The following TPST1 variants were observed in gnomAD, a reference collection of about 807,000 sequenced individuals.
The protein encoded by TPST1 is tyrosylprotein sulfotransferase 1, also known as protein-tyrosine sulfotransferase 1.
A neutral mutation model predicts 34.8 loss-of-function variants in TPST1; 20 were observed. The ratio of observed to expected loss-of-function variants is 0.57; its 90% CI spans 0.40 to 0.84. TPST1 has a LOEUF of 0.84. Ranked by LOEUF, TPST1 falls within the 40% of genes least tolerant of loss-of-function variation. The pLI, the probability that TPST1 is intolerant of heterozygous loss-of-function variation, is 0.00. For synonymous variants in TPST1, 152 were observed against 159.4 expected, an observed-to-expected ratio of 0.95 and a Z score of 0.35; for missense variants, 353 against 455.5, an observed-to-expected ratio of 0.78 and a Z score of 2.05.
chr7:66,229,453 C>T (rs1191548903), intron 1 of TPST1, among the ~76,000 whole-genome samples: 1 of 152,188 alleles, frequency 6.6e-6, no homozygotes, highest in African/African-American at 2.4e-5. Flanking sequence ...TGAGATTCAT[C>T]CAAGTTGTTG....
chr7:66,255,496 T>C (rs1265228615), intron 2 of TPST1, among the ~76,000 whole-genome samples: 1 of 152,196 alleles, frequency 6.6e-6, no homozygotes, highest in Non-Finnish European at 1.5e-5. Context: ...TAGGCCAGTA[T>C]TTAACTCCTT....
At position 66,241,230 on chromosome 7, in the gene TPST1, G is replaced by A. The variant is rs1562810816; in HGVS notation, c.805G>A (p.Glu269Lys). 2 of 1,611,220 alleles carry A rather than the reference G, an allele frequency of 1.2e-6. No homozygotes were observed. The highest frequency in any genetic ancestry group is 4.5e-5 in the East Asian group (2 of 44,848). The change falls in exon 2 of 6, where the codon GAA becomes AAA. Residue 269 changes from glutamate to lysine, a missense_variant. Glu to Lys is a moderately conservative substitution (Grantham distance 56, BLOSUM62 1). Coordinates refer to ENST00000304842, the MANE Select transcript of TPST1 (RefSeq NM_003596.4). ...IPWNHSVLHH[E>K]EMIGKAGGVS... is the part of the protein sequence containing the mutation. ...ATGGAACCACTCAGTATTGCACCATGAAGAGATGATTGGGAAAGCTGGGGG... is the reference window on the plus strand; with the variant it reads ...ATGGAACCACTCAGTATTGCACCATAAAGAGATGATTGGGAAAGCTGGGGG...
At chr7:66,241,786 C>T (rs1024869055) in intron 2 of TPST1, among the ~76,000 whole-genome samples, 3 of 152,226 alleles carry the variant, frequency 2.0e-5, no homozygotes, top group Non-Finnish European at 4.4e-5. Context: ...CTAATCTCTT[C>T]ATTTTATGGA....
At chr7:66,270,250 G>A (rs1790679060) in intron 2 of TPST1, among the ~76,000 whole-genome samples, 1 of 152,170 alleles carries the variant, frequency 6.6e-6, no homozygotes, top group Non-Finnish European at 1.5e-5. Context: ...AAGGGAGTGT[G>A]TGAAGGTCAG....
intron 1 of TPST1, among the ~76,000 whole-genome samples, chr7:66,236,436 T>C (rs1789914170): frequency 6.6e-6 from 1 of 152,176 alleles, no homozygotes; most frequent in African/African-American, 2.4e-5. Context: ...ACTTTTAGGA[T>C]TGTTTATATC....
intron 2 of TPST1, among the ~76,000 whole-genome samples, chr7:66,258,271 T>G (rs1395539350): frequency 6.6e-6 from 1 of 152,224 alleles, no homozygotes; most frequent in Admixed American, 6.5e-5. Context: ...CTAAGTCCTG[T>G]TAAAATCCTT....
chr7:66,206,539 A>C (rs915551743), intron 1 of TPST1, among the ~76,000 whole-genome samples: 1 of 152,210 alleles, frequency 6.6e-6, no homozygotes, highest in Non-Finnish European at 1.5e-5. Flanking sequence ...TACTGCATTC[A>C]TTAAGAAGAA....
chr7:66,314,257 G>A (rs1791589866), intron 3 of TPST1, among the ~76,000 whole-genome samples: 1 of 152,144 alleles, frequency 6.6e-6, no homozygotes, highest in Non-Finnish European at 1.5e-5. Flanking sequence ...ATCAGTGGTC[G>A]GGCACTGTGG....
chr7:66,225,666 G>A (rs1789640289), intron 1 of TPST1, among the ~76,000 whole-genome samples: 3 of 152,198 alleles, frequency 2.0e-5, no homozygotes. Context: ...TTGTGTGTGT[G>A]CATGCACACG....
intron 3 of TPST1, among the ~76,000 whole-genome samples, chr7:66,337,558 C>A (rs1562850927): frequency 3.3e-5 from 5 of 152,104 alleles, no homozygotes; most frequent in African/African-American, 7.2e-5. Context: ...ATCCGCCCAT[C>A]TCGGCCTCCT....
chr7:66,337,926 A>T (rs1055928875), intron 3 of TPST1, among the ~76,000 whole-genome samples: 1 of 152,220 alleles, frequency 6.6e-6, no homozygotes, highest in Non-Finnish European at 1.5e-5. Flanking sequence ...AGAGAGGAAA[A>T]TAGGAAGAAA....
At chr7:66,359,421 C>G (rs1273977759) in intron 5 of TPST1, 3 of 154,892 alleles carry the variant, frequency 1.9e-5, no homozygotes, top group African/African-American at 7.3e-5. Context: ...AGGGTGCTGC[C>G]CCCTGGACAC....
At chr7:66,331,669 G>A (rs764199942) in intron 3 of TPST1, among the ~76,000 whole-genome samples, 72 of 152,138 alleles carry the variant, frequency 4.7e-4, no homozygotes, top group Non-Finnish European at 1.5e-4. Flanking sequence ...CTTATGTAGG[G>A]TATAGAACTG....
At position 66,314,256 on chromosome 7, in the gene TPST1, C is replaced by T. The variant is rs563974919; in HGVS notation, c.1044+27547C>T. On this transcript the variant is annotated intron_variant, in intron 3 of 5. Coordinates refer to ENST00000304842, the MANE Select transcript of TPST1 (RefSeq NM_003596.4). ...TTTCAATTAAAAAACAATCAGTGGT[C>T]GGGCACTGTGGCTCATGCCTATGAT... is the stretch of plus-strand genomic sequence containing the variant. 8.5e-5 allele frequency among the ~76,000 whole-genome samples: 13 copies of T among 152,300 alleles called. 2 individuals carry two copies. In the South Asian group the frequency reaches 2.1e-3, roughly 24 times the overall value.
intron 3 of TPST1, among the ~76,000 whole-genome samples, chr7:66,344,748 T>C (rs1164177096): frequency 5.3e-5 from 7 of 132,650 alleles, no homozygotes; most frequent in African/African-American, 1.7e-4. Context: ...TTTTTAGACA[T>C]AGTCTCACTC....
intron 2 of TPST1, among the ~76,000 whole-genome samples, chr7:66,279,867 T>A (rs1790897985): frequency 6.6e-6 from 1 of 152,228 alleles, no homozygotes; most frequent in African/African-American, 2.4e-5. Context: ...GTAAGAGCAA[T>A]TTCAGCATCA....
chr7:66,212,482 CAG>C (rs1789284405), intron 1 of TPST1, among the ~76,000 whole-genome samples: 1 of 148,208 alleles, frequency 6.7e-6, no homozygotes, highest in South Asian at 2.1e-4. Context: ...TTTTTTGAGA[CAG>C]AGTCCTACTC....
chr7:66,219,175 G>A (rs978351230), intron 1 of TPST1, among the ~76,000 whole-genome samples: 3 of 151,286 alleles, frequency 2.0e-5, no homozygotes, highest in Non-Finnish European at 4.4e-5. Context: ...TGGGATTACA[G>A]GCATGAGCCA....
chr7:66,245,689 TAACTC>T (rs774342956), intron 2 of TPST1, among the ~76,000 whole-genome samples: 1 of 152,198 alleles, frequency 6.6e-6, no homozygotes, highest in Non-Finnish European at 1.5e-5. Context: ...AACAGAAAGA[TAACTC>T]AATAGCCACT....
Sources: gnomAD v4.1 joint callset for allele counts (sites outside exome capture counted in the v4.1 genomes callset) on GRCh38, gnomAD v4.1.1 for gene constraint, MANE v1.5 for transcripts, NCBI Gene and HGNC (gene_info 2026-07-23, HGNC 2026-07-21) for gene names.